RFC3: variants seen among roughly 807,000 people sequenced by gnomAD.
The protein encoded by RFC3 is A1 38 kDa subunit.
In RFC3, 41 loss-of-function variants were observed where a neutral mutation model predicts 45.1. The observed-to-expected ratio is 0.91, with a 90% CI of 0.71 to 1.18. The LOEUF (loss-of-function observed/expected upper bound fraction) is 1.18. RFC3 is among the 50% of genes most tolerant of loss of function. The probability of loss-of-function intolerance (pLI) is 0.00; values close to 1 mark genes in which losing one functional copy is unlikely to be tolerated. For synonymous variants in RFC3, 149 were observed against 144.0 expected (o/e 1.03, Z -0.25); for missense variants, 423 against 428.1 (o/e 0.99, Z 0.10).
intron 8 of RFC3, among the ~76,000 whole-genome samples, chr13:33,942,918 T>TA (rs1279801217): frequency 2.6e-4 from 40 of 152,294 alleles, no homozygotes; most frequent in Admixed American, 2.5e-3. Flanking sequence ...CCTTGACTGC[T>TA]AAGGTGCCAT....
chr13:33,848,542 G>T (rs1265685483), intron 8 of RFC3: 3 of 152,052 alleles, frequency 2.0e-5, no homozygotes, highest in East Asian at 3.9e-4. Context: ...TTGTGTCAGG[G>T]TACTACTTTT....
intron 8 of RFC3, among the ~76,000 whole-genome samples, chr13:33,843,383 A>G (rs1009976551): frequency 6.6e-6 from 1 of 152,204 alleles, no homozygotes; most frequent in Non-Finnish European, 1.5e-5. Flanking sequence ...CCTAATGCCA[A>G]TTTACAAACA....
chr13:33,875,761 T>C (rs1189287575), intron 8 of RFC3, among the ~76,000 whole-genome samples: 1 of 152,028 alleles, frequency 6.6e-6, no homozygotes, highest in Non-Finnish European at 1.5e-5. Context: ...GGGGGTGCCG[T>C]TGCATGTTAT....
chr13:33,965,965 G>C, intron 8 of RFC3: 1 of 684,884 alleles, frequency 1.5e-6, no homozygotes, highest in Non-Finnish European at 2.6e-6. Flanking sequence ...TTCATTCGTA[G>C]CTTGCTCCTG....
intron 8 of RFC3, among the ~76,000 whole-genome samples, chr13:33,856,784 G>A (rs2082311222): frequency 6.6e-6 from 1 of 152,190 alleles, no homozygotes; most frequent in Non-Finnish European, 1.5e-5. Flanking sequence ...ACAAAGAGGT[G>A]TGGTAATTTT....
At chr13:33,858,382 C>T (rs1458998896) in intron 8 of RFC3, among the ~76,000 whole-genome samples, 1 of 152,076 alleles carries the variant, frequency 6.6e-6, no homozygotes, top group Non-Finnish European at 1.5e-5. Context: ...TAAAGAATAA[C>T]GGTAGATTAA....
intron 8 of RFC3, among the ~76,000 whole-genome samples, chr13:33,880,265 C>T (rs1409019570): frequency 6.6e-6 from 1 of 152,118 alleles, no homozygotes; most frequent in African/African-American, 2.4e-5. Context: ...TAAAAGACAA[C>T]AGGATTCTAA....
intron 1 of RFC3, among the ~76,000 whole-genome samples, chr13:33,820,679 T>G (rs1182711103): frequency 6.6e-6 from 1 of 152,110 alleles, no homozygotes; most frequent in Non-Finnish European, 1.5e-5. Flanking sequence ...TTTCTAATAG[T>G]CCGAAGTAAG....
intron 8 of RFC3, among the ~76,000 whole-genome samples, chr13:33,950,484 C>T (rs1049413173): frequency 2.0e-5 from 3 of 152,170 alleles, no homozygotes; most frequent in Admixed American, 2.0e-4. Flanking sequence ...TAGGGGTCTG[C>T]AAACCATATT....
At chr13:33,960,406 G>A (rs1406387781) in intron 8 of RFC3, among the ~76,000 whole-genome samples, 3 of 152,084 alleles carry the variant, frequency 2.0e-5, no homozygotes, top group South Asian at 2.1e-4. Flanking sequence ...TAGCTTCTCC[G>A]CAGAAACTTG....
At chr13:33,952,637 A>T (rs1334768441) in intron 8 of RFC3, among the ~76,000 whole-genome samples, 1 of 152,174 alleles carries the variant, frequency 6.6e-6, no homozygotes, top group Non-Finnish European at 1.5e-5. Context: ...CACCCTCTTA[A>T]CAACCACAAC....
chr13:33,888,478 A>G (rs75403854), intron 8 of RFC3, among the ~76,000 whole-genome samples: 2 of 150,214 alleles, frequency 1.3e-5, no homozygotes, highest in African/African-American at 5.0e-5. Context: ...ATCTATGACT[A>G]TTTCTCAAGT....
At position 33,886,479 on chromosome 13, in the gene RFC3, G is replaced by A. The variant is rs576139101; in HGVS notation, c.879+51262G>A. Among the ~76,000 whole-genome samples, 20 of 151,122 alleles carry A rather than the reference G, an allele frequency of 1.3e-4. No individual in the cohort carries two copies. The South Asian group carries it at 3.8e-3, about 29-fold the overall frequency. ...GAGAATCGCTTGAACCTGGGAGGCG[G>A]AGGTTGCAGTGAGCCACTGCACTCC... On this transcript the variant is annotated intron_variant, in intron 8 of 8. Transcript: ENST00000434425.
chr13:33,904,904 A>G (rs551863971), intron 8 of RFC3, among the ~76,000 whole-genome samples: 1 of 152,218 alleles, frequency 6.6e-6, no homozygotes, highest in South Asian at 2.1e-4. Context: ...ATGTTGAAAA[A>G]TAAGACCGAA....
intron 8 of RFC3, among the ~76,000 whole-genome samples, chr13:33,875,698 G>T (rs112995366): frequency 6.6e-6 from 1 of 152,044 alleles, no homozygotes; most frequent in Non-Finnish European, 1.5e-5. Flanking sequence ...AGGCTCGGGG[G>T]CCCTCTAGGA....
At chr13:33,854,288 A>C (rs1221702742) in intron 8 of RFC3, among the ~76,000 whole-genome samples, 2 of 152,146 alleles carry the variant, frequency 1.3e-5, no homozygotes, top group African/African-American at 4.8e-5. Flanking sequence ...CTGAGACGGA[A>C]AGCAAAGACA....
intron 8 of RFC3, among the ~76,000 whole-genome samples, chr13:33,843,945 C>T (rs1321010716): frequency 6.6e-6 from 1 of 152,222 alleles, no homozygotes; most frequent in East Asian, 1.9e-4. Context: ...CATTTATATG[C>T]AACCTATATT....
chr13:33,847,212 C>G (rs975163556), intron 8 of RFC3: 4 of 152,294 alleles, frequency 2.6e-5, no homozygotes, highest in Non-Finnish European at 5.9e-5. Flanking sequence ...TACACAGATT[C>G]TCTCTGCACC....
chr13:33,822,077 C>A (rs2082008798), intron 2 of RFC3, among the ~76,000 whole-genome samples: 1 of 152,108 alleles, frequency 6.6e-6, no homozygotes, highest in South Asian at 2.1e-4. Context: ...GTGCTATAAA[C>A]AGAATCTTCA....
Sources: allele counts gnomAD v4.1 joint callset (sites outside exome capture counted in the v4.1 genomes callset), GRCh38; gene constraint gnomAD v4.1.1; transcripts MANE v1.5; gene names NCBI Gene and HGNC (gene_info 2026-07-23, HGNC 2026-07-21).